Variants in IQCM observed in about 807,000 individuals in gnomAD.
IQCM encodes the protein IQ domain-containing protein M.
In IQCM, 45 loss-of-function variants were observed where a neutral mutation model predicts 57.6. The observed-to-expected ratio is 0.78, with a 90% CI of 0.62 to 1.00. IQCM has a LOEUF of 1.00. Among genes scored for constraint, IQCM ranks in the 50% least tolerant of loss-of-function variants. The pLI is 0.00. For synonymous variants in IQCM, 148 were observed against 158.9 expected (o/e 0.93, Z 0.51); for missense variants, 468 against 511.6 (o/e 0.91, Z 0.82).
At chr4:149,440,998 C>A (rs1210022278) in intron 12 of IQCM, among the ~76,000 whole-genome samples, 4 of 152,018 alleles carry the variant, frequency 2.6e-5, no homozygotes, top group African/African-American at 9.7e-5. Context: ...AATTTCCTGG[C>A]CCTGATTTAT....
rs756787711 is a variant in IQCM, at chr4:149,679,172, T to C, written c.565+2946A>G. Among the ~76,000 whole-genome samples, 4 of 151,674 alleles carry C rather than the reference T, an allele frequency of 2.6e-5. No homozygotes were observed. In the South Asian group the frequency reaches 8.3e-4, roughly 31 times the overall value. Reference sequence around the variant, plus strand: ...ATGAGTAAAGAAAATGTGACACATATTATGCACAATGAAATATGATTCTGC... The same window carrying C: ...ATGAGTAAAGAAAATGTGACACATACTATGCACAATGAAATATGATTCTGC... On this transcript the variant is annotated intron_variant, in intron 7 of 13. Transcript: ENST00000636793.
intron 7 of IQCM, among the ~76,000 whole-genome samples, chr4:149,664,950 T>G (rs533684656): frequency 6.6e-6 from 1 of 152,282 alleles, no homozygotes; most frequent in Admixed American, 6.5e-5. Flanking sequence ...TTCCTTACTC[T>G]GCAGGTCTTT....
intron 12 of IQCM, among the ~76,000 whole-genome samples, chr4:149,485,923 A>G (rs1050769771): frequency 6.6e-6 from 1 of 151,954 alleles, no homozygotes; most frequent in Non-Finnish European, 1.5e-5. Context: ...TAGAAGTATC[A>G]CCTTGGTGGA....
chr4:149,492,874 A>T (rs190943566), intron 12 of IQCM, among the ~76,000 whole-genome samples: 2 of 152,266 alleles, frequency 1.3e-5, no homozygotes, highest in Admixed American at 6.5e-5. Flanking sequence ...AAGAAGGAAG[A>T]AGTCCCCAAA....
chr4:149,409,493 C>T (rs926625174), intron 13 of IQCM, among the ~76,000 whole-genome samples: 2 of 152,216 alleles, frequency 1.3e-5, no homozygotes, highest in Admixed American at 6.5e-5. Context: ...ATTTTGTGAA[C>T]GCCCAACTGG....
At chr4:149,678,012 A>G (rs1761895695) in intron 7 of IQCM, among the ~76,000 whole-genome samples, 1 of 151,832 alleles carries the variant, frequency 6.6e-6, no homozygotes, top group Non-Finnish European at 1.5e-5. Flanking sequence ...GAAAAGCAAG[A>G]AAGATCACCT....
In IQCM at chr4:149,379,916, T is replaced by C. The variant is rs1311965526; in HGVS notation, c.1391-27850A>G. 7.9e-5 allele frequency among the ~76,000 whole-genome samples: 12 copies of C among 152,126 alleles called. No homozygotes were observed. The South Asian group carries it at 1.2e-3, about 16-fold the overall frequency. ...GTGGGAGGGACCAAGTGGGAGACAA[T>C]TGAATCAAGGGGGTGGTTCCCCCAT... On this transcript the variant is annotated intron_variant, in intron 13 of 13. Transcript: ENST00000636793.
chr4:149,759,997 C>A (rs916804707), intron 2 of IQCM, among the ~76,000 whole-genome samples: 1 of 142,688 alleles, frequency 7.0e-6, no homozygotes, highest in Non-Finnish European at 1.5e-5. Flanking sequence ...GTATAAACCT[C>A]TAGGTTCTAG....
intron 12 of IQCM, among the ~76,000 whole-genome samples, chr4:149,519,013 A>G (rs1745298361): frequency 6.6e-6 from 1 of 152,252 alleles, no homozygotes; most frequent in Admixed American, 6.5e-5. Flanking sequence ...TTTGATTTAG[A>G]GAAAAAAGCA....
chr4:149,571,943 C>A (rs1029477887), intron 9 of IQCM, among the ~76,000 whole-genome samples: 1 of 152,016 alleles, frequency 6.6e-6, no homozygotes, highest in African/African-American at 2.4e-5. Flanking sequence ...GGGGAATAAG[C>A]ACCTGCTACC....
intron 2 of IQCM, among the ~76,000 whole-genome samples, chr4:149,744,332 A>G (rs1188407484): frequency 6.6e-6 from 1 of 152,200 alleles, no homozygotes; most frequent in African/African-American, 2.4e-5. Context: ...ATCAGAACTC[A>G]TCTTCTGGCC....
At chr4:149,765,817 A>T (rs547206273) in intron 2 of IQCM, among the ~76,000 whole-genome samples, 24 of 152,110 alleles carry the variant, frequency 1.6e-4, no homozygotes, top group Non-Finnish European at 2.5e-4. Flanking sequence ...AGACTTTTGC[A>T]TTCTAGCAAC....
At chr4:149,399,483 G>T (rs918932758) in intron 13 of IQCM, among the ~76,000 whole-genome samples, 2 of 152,070 alleles carry the variant, frequency 1.3e-5, no homozygotes, top group African/African-American at 4.8e-5. Flanking sequence ...AAGAAAAAAA[G>T]AGTGATAGAA....
chr4:149,352,056 A>G lies in IQCM; in HGVS notation c.1401T>C (p.His467=). ...GGATGTTAGCTCGTTTGAGTGCTGG[A>G]TGTCCATTTACTATAATACAAAACA... is the stretch of plus-strand genomic sequence containing the variant. ...EEGYRYIVNG[H]PALKRANIRV... The change falls in exon 14 of 14, where the codon CAT becomes CAC. Residue 467 remains histidine (H), a synonymous_variant. Transcript: ENST00000636793. 1 of 398,982 alleles carries G rather than the reference A, an allele frequency of 2.5e-6. No individual in the cohort carries two copies. Among genetic ancestry groups the G allele is most frequent in the East Asian group, 3.6e-5 (1 of 28,064 alleles). 24.7% of individuals were successfully genotyped at this position (398,982 alleles called of 1,614,324 possible).
At chr4:149,699,428 G>A (rs1049333341) in intron 5 of IQCM, among the ~76,000 whole-genome samples, 5 of 151,850 alleles carry the variant, frequency 3.3e-5, no homozygotes, top group Admixed American at 1.3e-4. Flanking sequence ...GATCTTCCCC[G>A]GGTTACCCTC....
chr4:149,563,483 G>A (rs1236325362), intron 10 of IQCM, among the ~76,000 whole-genome samples: 1 of 151,978 alleles, frequency 6.6e-6, no homozygotes, highest in South Asian at 2.1e-4. Flanking sequence ...CTACTCAGGA[G>A]GCTGAGGCAG....
chr4:149,448,664 T>C (rs1560851988), intron 12 of IQCM, among the ~76,000 whole-genome samples: 1 of 151,758 alleles, frequency 6.6e-6, no homozygotes, highest in Non-Finnish European at 1.5e-5. Context: ...CTACAGCATC[T>C]ACAGATAATT....
intron 8 of IQCM, among the ~76,000 whole-genome samples, chr4:149,592,341 T>C (rs867522739): frequency 3.9e-5 from 6 of 152,218 alleles, no homozygotes; most frequent in South Asian, 2.1e-4. Flanking sequence ...AAGTTCTTTG[T>C]AAATTATGGA....
intron 6 of IQCM, among the ~76,000 whole-genome samples, chr4:149,685,612 C>T (rs543070976): frequency 2.0e-5 from 3 of 151,614 alleles, no homozygotes; most frequent in South Asian, 2.1e-4. Context: ...GCCTTGCCAG[C>T]ATTTCCTCAA....
Sources: gnomAD v4.1 joint callset for allele counts (sites outside exome capture counted in the v4.1 genomes callset) on GRCh38, gnomAD v4.1.1 for gene constraint, MANE v1.5 for transcripts, NCBI Gene and HGNC (gene_info 2026-07-23, HGNC 2026-07-21) for gene names.